Variants in CYB5R4 observed in about 807,000 individuals in gnomAD.
CYB5R4 encodes the protein N-terminal cytochrome b5 and cytochrome b5 oxidoreductase domain-containing protein.
Under a neutral mutation model 70.2 loss-of-function variants are expected in CYB5R4, and 55 were observed. That is an observed-to-expected ratio of 0.78 (90% CI 0.63 to 0.98). The LOEUF (loss-of-function observed/expected upper bound fraction) is 0.98. Among genes scored for constraint, CYB5R4 ranks in the 50% least tolerant of loss-of-function variants. CYB5R4 has a pLI of 0.00. For missense variants in CYB5R4, 562 were observed against 612.6 expected, an observed-to-expected ratio of 0.92 and a Z score of 0.87; for synonymous variants, 197 against 199.5, an observed-to-expected ratio of 0.99 and a Z score of 0.11.
At chr6:83,908,235 T>C (rs1554418610) in intron 3 of CYB5R4, among the ~76,000 whole-genome samples, 1 of 152,224 alleles carries the variant, frequency 6.6e-6, no homozygotes, top group Non-Finnish European at 1.5e-5. Flanking sequence ...ATCGGTAATA[T>C]TGAGCTTTTT....
intron 1 of CYB5R4, among the ~76,000 whole-genome samples, chr6:83,860,585 T>G (rs908086855): frequency 6.6e-6 from 1 of 152,244 alleles, no homozygotes; most frequent in South Asian, 2.1e-4. Flanking sequence ...TTGCGAATGT[T>G]GTTTGTTCCT....
intron 2 of CYB5R4, among the ~76,000 whole-genome samples, chr6:83,885,082 T>C (rs1024750167): frequency 2.6e-5 from 4 of 152,148 alleles, no homozygotes; most frequent in Non-Finnish European, 5.9e-5. Context: ...GTAAAGAATA[T>C]TTTTAAAATA....
At position 83,859,816 on chromosome 6, in the gene CYB5R4, C is replaced by T; in HGVS notation, c.34C>T (p.Pro12Ser). ...LNVPSQSFPA[P>S]RSQQRVASGG... Reference sequence around the variant, plus strand: ...CGTCCCTTCCCAGTCTTTCCCGGCCCCCAGGTCGCAGCAGCGTGTCGCCTC... The same window carrying T: ...CGTCCCTTCCCAGTCTTTCCCGGCCTCCAGGTCGCAGCAGCGTGTCGCCTC... Residue 12 changes from proline to serine, a missense_variant, in exon 1 of 16, where the codon CCC becomes TCC. Transcript: ENST00000369681. The T allele has an allele frequency of 1.2e-6, 2 of 1,613,490 alleles. No homozygotes were observed. The highest frequency in any genetic ancestry group is 1.7e-6 in the Non-Finnish European group (2 of 1,179,854).
At chr6:83,924,076 A>G (rs1430110259) in intron 9 of CYB5R4, among the ~76,000 whole-genome samples, 1 of 150,580 alleles carries the variant, frequency 6.6e-6, no homozygotes, top group African/African-American at 2.4e-5. Context: ...TCTCAAAAAA[A>G]AAAAAAAAAA....
intron 15 of CYB5R4, among the ~76,000 whole-genome samples, chr6:83,956,118 T>G (rs2099472391): frequency 6.6e-6 from 1 of 152,190 alleles, no homozygotes; most frequent in Admixed American, 6.5e-5. Flanking sequence ...ATTTAGTAGG[T>G]GACTAACCTA....
intron 2 of CYB5R4, among the ~76,000 whole-genome samples, chr6:83,891,880 G>A (rs149580338): frequency 6.5e-4 from 99 of 152,270 alleles, no homozygotes; most frequent in African/African-American, 2.2e-3. Context: ...GCTGAAACTC[G>A]TGGAATTCCA....
chr6:83,862,495 C>T (rs899664052), intron 1 of CYB5R4, among the ~76,000 whole-genome samples: 3 of 152,144 alleles, frequency 2.0e-5, no homozygotes, highest in South Asian at 4.1e-4. Flanking sequence ...GAGGTTGATC[C>T]ATGCAGGGAA....
At position 83,961,768 on chromosome 6, in the gene CYB5R4, C is replaced by T. The variant is rs1308864987; in HGVS notation, c.*1890C>T. The T allele has an allele frequency of 6.6e-6, 1 of 151,986 alleles. No individual in the cohort carries two copies. The highest frequency in any genetic ancestry group is 1.5e-5 in the Non-Finnish European group (1 of 67,990). The allele number at this position is 151,986 out of a possible 1,614,324, so 9.4% of individuals were successfully genotyped here. A position where few individuals can be genotyped will look rare whatever the true frequency, so the allele number is the denominator to read the frequency against. On this transcript the variant is annotated 3_prime_UTR_variant, in exon 16 of 16. Transcript: ENST00000369681. Reference sequence around the variant, plus strand: ...AATCTAACTTAGCCAACATCTTTCTCATCTTTTCTAAGCCTCTTCTTTTTT... The same window carrying T: ...AATCTAACTTAGCCAACATCTTTCTTATCTTTTCTAAGCCTCTTCTTTTTT...
intron 5 of CYB5R4, among the ~76,000 whole-genome samples, chr6:83,917,556 A>T (rs915153922): frequency 2.0e-5 from 3 of 152,168 alleles, no homozygotes; most frequent in African/African-American, 7.2e-5. Flanking sequence ...GACCAAGCTG[A>T]TGAATTCAGT....
Position 83,936,311 on chromosome 6 carries a change from T to C in CYB5R4, c.1043T>C (p.Ile348Thr). Residue 348 changes from isoleucine to threonine, a missense_variant, in exon 12 of 16, where the codon ATC becomes ACC. Ile to Thr is a moderately conservative substitution (Grantham distance 89). Transcript: ENST00000369681. ...CCAGTTCTTCCCAACAATAAATACATCTACTTTTTGATAAAAATCTATCCC... is the reference window on the plus strand; with the variant it reads ...CCAGTTCTTCCCAACAATAAATACACCTACTTTTTGATAAAAATCTATCCC... The part of the protein sequence containing the change: ...KEPVLPNNKY[I>T]YFLIKIYPTG... 1.9e-6 allele frequency: 3 copies of C among 1,612,306 alleles called. No homozygotes were observed. Among genetic ancestry groups the C allele is most frequent in the Non-Finnish European group, 2.5e-6 (3 of 1,178,746 alleles).
At chr6:83,860,654 T>G (rs2099455786) in intron 1 of CYB5R4, among the ~76,000 whole-genome samples, 1 of 152,252 alleles carries the variant, frequency 6.6e-6, no homozygotes, top group African/African-American at 2.4e-5. Flanking sequence ...ACACTTCCAC[T>G]TAACTTGGGC....
intron 2 of CYB5R4, among the ~76,000 whole-genome samples, chr6:83,865,479 G>T (rs1186839495): frequency 1.3e-5 from 2 of 152,102 alleles, no homozygotes; most frequent in East Asian, 3.9e-4. Flanking sequence ...AGCTTCTGGT[G>T]GTTTGCTGGC....
chr6:83,879,303 T>C (rs2099459089), intron 2 of CYB5R4, among the ~76,000 whole-genome samples: 1 of 152,078 alleles, frequency 6.6e-6, no homozygotes, highest in Non-Finnish European at 1.5e-5. Context: ...CTGTCTCTTT[T>C]CCAGTGTGAG....
chr6:83,939,951 G>C (rs2099469497), intron 12 of CYB5R4, 105 bp from the exon 13 acceptor site: 2 of 715,950 alleles, frequency 2.8e-6, no homozygotes. Context: ...TTACTCCTCA[G>C]TGTTTTAAAT....
At chr6:83,939,648 C>T (rs2099469451) in intron 12 of CYB5R4, among the ~76,000 whole-genome samples, 1 of 152,146 alleles carries the variant, frequency 6.6e-6, no homozygotes, top group Non-Finnish European at 1.5e-5. Context: ...GTTCTTTACT[C>T]TGTACCAGGT....
chr6:83,911,685 C>T lies in CYB5R4; in HGVS notation c.412+2595C>T, dbSNP rs147013721. Among the ~76,000 whole-genome samples the T allele has an allele frequency of 7.3e-3, 1,116 of 152,028 alleles. 14 individuals carry two copies. The highest frequency in any genetic ancestry group is 0.025 in the African/African-American group (1,047 of 41,454). On this transcript the variant is annotated intron_variant, in intron 4 of 15. Transcript: ENST00000369681. ...CCTTTCAAATTTCTTCCAGTAGAAA[C>T]GTTCTTCTTCTGTGCTTCAATAACA...
At chr6:83,908,096 C>G (rs1288028934) in intron 3 of CYB5R4, among the ~76,000 whole-genome samples, 1 of 143,786 alleles carries the variant, frequency 7.0e-6, no homozygotes, top group Non-Finnish European at 1.5e-5. Flanking sequence ...GTCTCACCAA[C>G]AGTTGTATAA....
chr6:83,910,180 C>T (rs2099464451), intron 4 of CYB5R4: 2 of 1,557,434 alleles, frequency 1.3e-6, no homozygotes, highest in South Asian at 1.2e-5. Flanking sequence ...TGAGCAAGGA[C>T]AAGACATCTA....
At chr6:83,950,799 C>T (rs2099471405) in intron 14 of CYB5R4, among the ~76,000 whole-genome samples, 1 of 152,050 alleles carries the variant, frequency 6.6e-6, no homozygotes, top group Admixed American at 6.6e-5. Context: ...ACATTATGGT[C>T]TGTATCTTTC....
Sources: gnomAD v4.1 joint callset for allele counts (sites outside exome capture counted in the v4.1 genomes callset) on GRCh38, gnomAD v4.1.1 for gene constraint, MANE v1.5 for transcripts, NCBI Gene and HGNC (gene_info 2026-07-23, HGNC 2026-07-21) for gene names.